RHOA: variants seen among roughly 807,000 people sequenced by gnomAD.
RHOA encodes ras homolog family member A, also known as transforming protein RhoA.
A neutral mutation model predicts 17.5 loss-of-function variants in RHOA; 3 were observed. The ratio of observed to expected loss-of-function variants is 0.17; its 90% CI spans 0.08 to 0.44. The LOEUF (loss-of-function observed/expected upper bound fraction) is 0.44. RHOA is among the 20% of genes least tolerant of loss of function. The pLI, the probability that RHOA is intolerant of heterozygous loss-of-function variation, is 0.99. For missense variants in RHOA, 56 were observed against 242.3 expected, an observed-to-expected ratio of 0.23 and a Z score of 5.10; for synonymous variants, 98 against 88.4, an observed-to-expected ratio of 1.11 and a Z score of -0.61.
intron 1 of RHOA, among the ~76,000 whole-genome samples, chr3:49,392,053 C>T (rs1431795250): frequency 6.6e-6 from 1 of 151,852 alleles, no homozygotes; most frequent in East Asian, 1.9e-4. Flanking sequence ...GTCTCGAACT[C>T]CTATCTCAAG....
intron 1 of RHOA, among the ~76,000 whole-genome samples, chr3:49,404,801 G>A (rs1490746637): frequency 6.6e-6 from 1 of 150,562 alleles, no homozygotes; most frequent in Non-Finnish European, 1.5e-5. Context: ...AGCCAGGCGT[G>A]GCAGCATGCA....
At chr3:49,380,395 T>TA (rs1282671778) in intron 1 of RHOA, among the ~76,000 whole-genome samples, 2 of 152,216 alleles carry the variant, frequency 1.3e-5, no homozygotes, top group East Asian at 3.9e-4. Context: ...CTGTTACCTA[T>TA]AGTCAAACTA....
chr3:49,398,040 T>G (rs368975101), intron 1 of RHOA, among the ~76,000 whole-genome samples: 1 of 152,144 alleles, frequency 6.6e-6, no homozygotes, highest in Non-Finnish European at 1.5e-5. Flanking sequence ...TTTCGCTACA[T>G]TCAGTCAAAA....
chr3:49,365,515 C>G lies in RHOA; in HGVS notation c.278-2889G>C, dbSNP rs568371340. ...GTGAAATTATACCAATAGTCTACCC[C>G]CTTCCTGGAGTTTGAGGTACATAGA... On this transcript the variant is annotated intron_variant, in intron 3 of 4. Transcript: ENST00000418115. Among the ~76,000 whole-genome samples, 5 of 151,932 alleles carry G rather than the reference C, an allele frequency of 3.3e-5. No homozygotes were observed. In the East Asian group the frequency reaches 7.7e-4, roughly 23 times the overall value.
At chr3:49,365,392 C>T (rs1170639121) in intron 3 of RHOA, among the ~76,000 whole-genome samples, 2 of 151,826 alleles carry the variant, frequency 1.3e-5, no homozygotes, top group Non-Finnish European at 2.9e-5. Flanking sequence ...ATCCACCCAC[C>T]TTGGCCTCCC....
intron 1 of RHOA, among the ~76,000 whole-genome samples, chr3:49,403,278 C>A (rs2048756750): frequency 6.6e-6 from 1 of 151,998 alleles, no homozygotes; most frequent in South Asian, 2.1e-4. Context: ...GCAGAGGCTG[C>A]AGTGAGCCAA....
At chr3:49,400,603 C>G (rs56127630) in intron 1 of RHOA, among the ~76,000 whole-genome samples, 36,172 of 151,900 alleles carry the variant, frequency 0.24, 4,614 homozygotes, top group Middle Eastern at 0.29. Flanking sequence ...CGTCTGTAAT[C>G]CTAGCTACTC....
At chr3:49,371,232 T>C (rs769436342) in intron 2 of RHOA, among the ~76,000 whole-genome samples, 9 of 152,002 alleles carry the variant, frequency 5.9e-5, no homozygotes, top group Non-Finnish European at 1.0e-4. Context: ...CTTGGTACCA[T>C]GATCACCTAC....
At chr3:49,394,541 G>A (rs1361770203) in intron 1 of RHOA, among the ~76,000 whole-genome samples, 1 of 151,550 alleles carries the variant, frequency 6.6e-6, no homozygotes, top group Non-Finnish European at 1.5e-5. Context: ...AGTAGAGATG[G>A]GGTTTGACCA....
At chr3:49,362,921 G>A (rs774762089) in intron 3 of RHOA, among the ~76,000 whole-genome samples, 5 of 152,148 alleles carry the variant, frequency 3.3e-5, no homozygotes, top group African/African-American at 9.7e-5. Context: ...GTAGTTTCAC[G>A]GGGGGCACTT....
At chr3:49,388,506 G>A (rs934144988) in intron 1 of RHOA, among the ~76,000 whole-genome samples, 11 of 152,158 alleles carry the variant, frequency 7.2e-5, no homozygotes, top group Non-Finnish European at 1.3e-4. Context: ...TGGGAGTGGT[G>A]TGTCCATCAT....
At chr3:49,374,413 C>T (rs911658944) in intron 2 of RHOA, among the ~76,000 whole-genome samples, 9 of 151,604 alleles carry the variant, frequency 5.9e-5, no homozygotes, top group South Asian at 2.1e-4. Context: ...TTCAAATATA[C>T]GTAAACTTGA....
At chr3:49,404,606 C>G (rs1380243563) in intron 1 of RHOA, among the ~76,000 whole-genome samples, 24 of 92,254 alleles carry the variant, frequency 2.6e-4, no homozygotes, top group African/African-American at 1.1e-3. Flanking sequence ...AGCAAGACTC[C>G]GTCTCAAAAA....
intron 1 of RHOA, among the ~76,000 whole-genome samples, chr3:49,383,103 G>C (rs566892354): frequency 6.6e-6 from 1 of 151,650 alleles, no homozygotes. Context: ...CCACCTTTGC[G>C]TAGCACCCTA....
intron 1 of RHOA, among the ~76,000 whole-genome samples, chr3:49,392,242 G>A (rs1190987087): frequency 6.6e-6 from 1 of 152,094 alleles, no homozygotes; most frequent in Non-Finnish European, 1.5e-5. Context: ...GACCAGCCTG[G>A]GCAATACAGT....
intron 1 of RHOA, among the ~76,000 whole-genome samples, chr3:49,385,763 G>A (rs1466264552): frequency 2.0e-5 from 3 of 152,004 alleles, no homozygotes; most frequent in Non-Finnish European, 4.4e-5. Flanking sequence ...TTTCATACAT[G>A]ATATGAGGTA....
At chr3:49,377,076 C>T (rs538377610) in intron 1 of RHOA, among the ~76,000 whole-genome samples, 5 of 152,174 alleles carry the variant, frequency 3.3e-5, no homozygotes, top group African/African-American at 4.8e-5. Context: ...TGTGGTGAGC[C>T]GAGATCATGC....
intron 2 of RHOA, among the ~76,000 whole-genome samples, chr3:49,369,402 A>C (rs551789927): frequency 2.9e-4 from 44 of 152,116 alleles, no homozygotes; most frequent in African/African-American, 9.9e-4. Context: ...CAAAATTGAA[A>C]ATCTGAGAAC....
chr3:49,362,902 C>A (rs902491508), intron 3 of RHOA, among the ~76,000 whole-genome samples: 1 of 152,210 alleles, frequency 6.6e-6, no homozygotes, highest in Non-Finnish European at 1.5e-5. Flanking sequence ...AAAAGATCCA[C>A]AACACAAGGT....
Sources: gnomAD v4.1 joint callset for allele counts (sites outside exome capture counted in the v4.1 genomes callset) on GRCh38, gnomAD v4.1.1 for gene constraint, MANE v1.5 for transcripts, NCBI Gene and HGNC (gene_info 2026-07-23, HGNC 2026-07-21) for gene names.